GSE1: variants seen among roughly 807,000 people sequenced by gnomAD.
The protein encoded by GSE1 is Gse1 coiled-coil protein.
Under a neutral mutation model 112.6 loss-of-function variants are expected in GSE1, and 32 were observed. The observed-to-expected ratio is 0.28, with a 90% CI of 0.21 to 0.38. GSE1 has a LOEUF of 0.38. Ranked by LOEUF, GSE1 falls within the 10% of genes least tolerant of loss-of-function variation. GSE1 has a pLI of 1.00. For missense variants in GSE1, 2,348 were observed against 1,699.2 expected, an observed-to-expected ratio of 1.38 and a Z score of -6.71; for synonymous variants, 1,115 against 735.6, an observed-to-expected ratio of 1.52 and a Z score of -8.35.
At chr16:85,665,262 C>G (rs985417523) in intron 12 of GSE1, 134 bp downstream of exon 12, 1 of 617,366 alleles carries the variant, frequency 1.6e-6, no homozygotes, top group Non-Finnish European at 2.9e-6. Flanking sequence ...ATTCTTGTAC[C>G]AGCGTACGAT....
rs1359761052 is a variant in GSE1, at chr16:85,529,609, C to T, written c.2465-104305C>T. 1.3e-4 allele frequency among the ~76,000 whole-genome samples: 20 copies of T among 152,298 alleles called. 1 individual carries two copies. Among genetic ancestry groups the T allele is most frequent in the South Asian group, 2.1e-4 (1 of 4,826 alleles). On this transcript the variant is annotated intron_variant, in intron 2 of 2. Transcript: ENST00000637419. ...TTGCTCTAGCCCCCCACCCCCACTA[C>T]GGGGCCCCTTTTCCTTGCCTAACTG...
At chr16:85,394,597 G>C (rs573891126) in intron 2 of GSE1, among the ~76,000 whole-genome samples, 3 of 152,206 alleles carry the variant, frequency 2.0e-5, no homozygotes, top group African/African-American at 4.8e-5. Context: ...ACACACACAC[G>C]CACTCCTGTC....
At chr16:85,197,995 G>A (rs2074960306) in intron 1 of GSE1, among the ~76,000 whole-genome samples, 1 of 152,166 alleles carries the variant, frequency 6.6e-6, no homozygotes, top group Non-Finnish European at 1.5e-5. Context: ...ATGCCAAGGA[G>A]TCAACAACTC....
intron 1 of GSE1, among the ~76,000 whole-genome samples, chr16:85,177,048 C>G (rs1407992556): frequency 2.0e-5 from 3 of 152,252 alleles, no homozygotes; most frequent in South Asian, 4.1e-4. Context: ...TGGCCAGGCC[C>G]TTCTCAAACT....
chr16:85,613,715 G>T (rs1323109106), intron 1 of GSE1, among the ~76,000 whole-genome samples: 1 of 142,810 alleles, frequency 7.0e-6, no homozygotes, highest in Non-Finnish European at 1.5e-5. Flanking sequence ...AAAGTGGGGG[G>T]ATGGGGGTGG....
At chr16:85,242,834 C>A (rs912258628) in intron 1 of GSE1, among the ~76,000 whole-genome samples, 3 of 152,090 alleles carry the variant, frequency 2.0e-5, no homozygotes, top group African/African-American at 7.2e-5. Context: ...TTATTTGAGA[C>A]AAGGTCTTGC....
chr16:85,536,738 C>T (rs77436500), intron 2 of GSE1, among the ~76,000 whole-genome samples: 9,239 of 152,258 alleles, frequency 0.061, 355 homozygotes, highest in Middle Eastern at 0.17. Flanking sequence ...TCACTGTTCC[C>T]GTCTCTGAGG....
upstream of GSE1, among the ~76,000 whole-genome samples, chr16:85,612,071 AGGG>A (rs1388989376): frequency 6.6e-6 from 1 of 151,608 alleles, no homozygotes; most frequent in East Asian, 2.0e-4. Flanking sequence ...GCTAGATCAG[AGGG>A]GTGTTGGAAG....
At chr16:85,232,939 G>C (rs1904303719) in intron 1 of GSE1, among the ~76,000 whole-genome samples, 1 of 152,282 alleles carries the variant, frequency 6.6e-6, no homozygotes, top group South Asian at 2.1e-4. Context: ...AAGTGCATGA[G>C]CCTGGGCAAG....
chr16:85,671,378 T>G (rs888453131), intron 15 of GSE1, among the ~76,000 whole-genome samples: 5 of 138,884 alleles, frequency 3.6e-5, no homozygotes, highest in Admixed American at 7.8e-5. Flanking sequence ...AGGCGGAGCT[T>G]GCAGTGAGCC....
chr16:85,469,026 A>G (rs1597849171), intron 2 of GSE1, among the ~76,000 whole-genome samples: 1 of 152,276 alleles, frequency 6.6e-6, no homozygotes, highest in Admixed American at 6.5e-5. Flanking sequence ...AGGCCGAGGC[A>G]GGTGGATCAC....
intron 2 of GSE1, among the ~76,000 whole-genome samples, chr16:85,506,188 A>G (rs2051529582): frequency 1.3e-5 from 2 of 152,162 alleles, no homozygotes; most frequent in African/African-American, 4.8e-5. Flanking sequence ...CCATGGAGCA[A>G]TGTCCTGTGT....
Position 85,668,311 on chromosome 16 carries a change from CGGAGGAGGA to C in GSE1, c.3306_3314del (p.Glu1105_Glu1107del). ...CCAACCCAGGAGTTGGACCGGGACTCGGAGGAGGAGGAAGAGGAGGATGATGAAGATGGA... is the reference window on the plus strand; with the variant it reads ...CCAACCCAGGAGTTGGACCGGGACTCGGAAGAGGAGGATGATGAAGATGGA... On this transcript the variant is annotated inframe_deletion, in exon 14 of 16. Coordinates refer to ENST00000253458, the MANE Select transcript of GSE1 (RefSeq NM_014615.5). 1 of 1,612,490 alleles carries C rather than the reference CGGAGGAGGA, an allele frequency of 6.2e-7. No homozygotes were observed. Among genetic ancestry groups the C allele is most frequent in the Non-Finnish European group, 8.5e-7 (1 of 1,178,912 alleles).
chr16:85,568,908 C>G (rs985844929), intron 1 of GSE1, among the ~76,000 whole-genome samples: 1 of 152,170 alleles, frequency 6.6e-6, no homozygotes, highest in Non-Finnish European at 1.5e-5. Context: ...CGGAAGCTCC[C>G]ACTTCTCTGC....
At chr16:85,567,354 G>A (rs536431967) in intron 1 of GSE1, among the ~76,000 whole-genome samples, 2 of 152,272 alleles carry the variant, frequency 1.3e-5, no homozygotes, top group African/African-American at 4.8e-5. Context: ...GGGTGGAGCC[G>A]GTCTCTGCCC....
chr16:85,220,613 G>C (rs2094178131), intron 1 of GSE1, among the ~76,000 whole-genome samples: 1 of 143,298 alleles, frequency 7.0e-6, no homozygotes, highest in South Asian at 2.2e-4. Context: ...CGGGCTTCTC[G>C]GGCCTGCCCG....
At chr16:85,499,585 C>T (rs2051296553) in intron 2 of GSE1, among the ~76,000 whole-genome samples, 2 of 152,106 alleles carry the variant, frequency 1.3e-5, no homozygotes, top group African/African-American at 2.4e-5. Flanking sequence ...GGATTACAGG[C>T]GTGAGCCACC....
rs1281867088 is a variant in GSE1, at chr16:85,569,170, C to T, written c.37+12807C>T. Among the ~76,000 whole-genome samples, 3 of 152,220 alleles carry T rather than the reference C, an allele frequency of 2.0e-5. No individual in the cohort carries two copies. In the East Asian group the frequency reaches 5.8e-4, roughly 29 times the overall value. On this transcript the variant is annotated intron_variant, in intron 1 of 2. Transcript: ENST00000635906. ...CAACCCTGCCTAACACTCTAGCCTG[C>T]CCTTCTCTACCTGTCCTCCACACCT... is the stretch of plus-strand genomic sequence containing the variant.
At chr16:85,379,534 G>C (rs114826158) in intron 2 of GSE1, among the ~76,000 whole-genome samples, 2 of 152,198 alleles carry the variant, frequency 1.3e-5, no homozygotes, top group African/African-American at 2.4e-5. Flanking sequence ...TCACCCCGTG[G>C]TGAGCACAGC....
Sources: gnomAD v4.1 joint callset for allele counts (sites outside exome capture counted in the v4.1 genomes callset) on GRCh38, gnomAD v4.1.1 for gene constraint, MANE v1.5 for transcripts, NCBI Gene and HGNC (gene_info 2026-07-23, HGNC 2026-07-21) for gene names.